Variants in TENM2 observed in about 807,000 individuals in gnomAD.
The protein encoded by TENM2 is teneurin-2.
A neutral mutation model predicts 245.2 loss-of-function variants in TENM2; 52 were observed. The ratio of observed to expected loss-of-function variants is 0.21; its 90% CI spans 0.17 to 0.27. TENM2 has a LOEUF of 0.27. Ranked by LOEUF, TENM2 falls within the 10% of genes least tolerant of loss-of-function variation. The pLI, the probability that TENM2 is intolerant of heterozygous loss-of-function variation, is 1.00. For missense variants in TENM2, 3,046 were observed against 3,666.8 expected, an observed-to-expected ratio of 0.83 and a Z score of 4.37; for synonymous variants, 1,363 against 1,438.9, an observed-to-expected ratio of 0.95 and a Z score of 1.19.
chr5:167,084,326 G>GTT, the TENM2 span, among the ~76,000 whole-genome samples: 18 of 6,744 alleles, frequency 2.7e-3, no homozygotes, highest in Non-Finnish European at 6.2e-3. Context: ...AGCCATTTTA[G>GTT]TTATATATAT....
intron 2 of TENM2, among the ~76,000 whole-genome samples, chr5:167,689,817 A>C (rs1757305250): frequency 6.6e-6 from 1 of 151,902 alleles, no homozygotes; most frequent in Non-Finnish European, 1.5e-5. Context: ...GCTGGAGTGC[A>C]ATGGAGCAAT....
At chr5:167,683,827 C>T (rs1756899641) in intron 2 of TENM2, among the ~76,000 whole-genome samples, 2 of 152,182 alleles carry the variant, frequency 1.3e-5, no homozygotes, top group Admixed American at 1.3e-4. Flanking sequence ...GCTTCACTCT[C>T]CAACACATTG....
intron 2 of TENM2, among the ~76,000 whole-genome samples, chr5:167,376,624 A>T (rs1342151132): frequency 1.3e-5 from 2 of 152,182 alleles, no homozygotes; most frequent in African/African-American, 2.4e-5. Context: ...TAATTTTGAA[A>T]TAATTTATTC....
intron 2 of TENM2, among the ~76,000 whole-genome samples, chr5:167,542,996 C>T (rs1488936207): frequency 6.6e-6 from 1 of 152,162 alleles, no homozygotes; most frequent in African/African-American, 2.4e-5. Context: ...AACGTGTAAT[C>T]ACTTGACCAG....
At chr5:167,861,998 C>G (rs1771858991) in intron 2 of TENM2, among the ~76,000 whole-genome samples, 1 of 152,180 alleles carries the variant, frequency 6.6e-6, no homozygotes, top group Non-Finnish European at 1.5e-5. Context: ...AAACATGCCT[C>G]TTATGTTATC....
chr5:167,027,489 A>G, the TENM2 span, among the ~76,000 whole-genome samples: 2 of 152,234 alleles, frequency 1.3e-5, no homozygotes, highest in Non-Finnish European at 2.9e-5. Context: ...TCATAAGGAT[A>G]ATACTGCTAA....
intron 2 of TENM2, among the ~76,000 whole-genome samples, chr5:167,670,092 G>C (rs571194352): frequency 5.5e-4 from 84 of 152,230 alleles, no homozygotes; most frequent in African/African-American, 1.9e-3. Context: ...ATTTAAATTA[G>C]TCTTTCCTCT....
chr5:167,086,678 A>G, the TENM2 span, among the ~76,000 whole-genome samples: 1 of 152,086 alleles, frequency 6.6e-6, no homozygotes, highest in African/African-American at 2.4e-5. Flanking sequence ...GAAGACAATC[A>G]CAGCCTTGTA....
At chr5:167,808,888 A>G (rs944496621) in intron 2 of TENM2, among the ~76,000 whole-genome samples, 5 of 152,214 alleles carry the variant, frequency 3.3e-5, no homozygotes, top group Admixed American at 2.0e-4. Context: ...GTCTATGACA[A>G]TATTTCGTCA....
At chr5:168,020,841 G>T (rs560257236) in intron 5 of TENM2, among the ~76,000 whole-genome samples, 1 of 152,130 alleles carries the variant, frequency 6.6e-6, no homozygotes, top group East Asian at 1.9e-4. Context: ...AGTTAGAGCC[G>T]TTACAAGACA....
At chr5:168,000,362 G>C (rs1173496946) in intron 5 of TENM2, among the ~76,000 whole-genome samples, 8 of 152,188 alleles carry the variant, frequency 5.3e-5, no homozygotes, top group African/African-American at 1.7e-4. Context: ...TTGGTAGTTA[G>C]ACAAGAAGCA....
chr5:167,775,532 T>A (rs903854813), intron 2 of TENM2, among the ~76,000 whole-genome samples: 1 of 152,224 alleles, frequency 6.6e-6, no homozygotes. Context: ...AAACACCAGT[T>A]ATAATTTTTA....
the TENM2 span, among the ~76,000 whole-genome samples, chr5:167,072,187 T>C: frequency 6.6e-6 from 1 of 152,140 alleles, no homozygotes; most frequent in East Asian, 1.9e-4. Context: ...TGTGTTGACA[T>C]GTGGAGGAAT....
intron 2 of TENM2, among the ~76,000 whole-genome samples, chr5:167,873,771 G>A (rs1371440314): frequency 6.6e-6 from 1 of 152,086 alleles, no homozygotes; most frequent in Non-Finnish European, 1.5e-5. Context: ...CGTGTTCAGT[G>A]TACCTTTTCC....
the TENM2 span, among the ~76,000 whole-genome samples, chr5:167,180,307 C>T: frequency 1.9e-4 from 29 of 152,074 alleles, no homozygotes; most frequent in African/African-American, 7.0e-4. Flanking sequence ...CAGGGTTTCT[C>T]CACGTTGGTC....
intron 6 of TENM2, among the ~76,000 whole-genome samples, chr5:168,054,914 C>T (rs1789411579): frequency 6.6e-6 from 1 of 152,192 alleles, no homozygotes; most frequent in African/African-American, 2.4e-5. Context: ...ACAATTGTAT[C>T]TTAAGCACGT....
chr5:167,570,624 T>G (rs939079236), intron 2 of TENM2, among the ~76,000 whole-genome samples: 4 of 152,122 alleles, frequency 2.6e-5, no homozygotes, highest in African/African-American at 9.7e-5. Context: ...TCTGGTGCAG[T>G]CCTTGCCAGA....
chr5:167,974,526 A>G (rs1344673495), intron 4 of TENM2, among the ~76,000 whole-genome samples: 1 of 152,218 alleles, frequency 6.6e-6, no homozygotes, highest in Non-Finnish European at 1.5e-5. Flanking sequence ...ATTGATAATT[A>G]TCTGCATAAC....
intron 3 of TENM2, among the ~76,000 whole-genome samples, chr5:167,916,896 T>C (rs964929219): frequency 6.6e-6 from 1 of 152,114 alleles, no homozygotes; most frequent in Non-Finnish European, 1.5e-5. Context: ...ATCTCAGCAT[T>C]GTTGCCCTCA....
Sources: allele counts gnomAD v4.1 joint callset (sites outside exome capture counted in the v4.1 genomes callset), GRCh38; gene constraint gnomAD v4.1.1; transcripts MANE v1.5; gene names NCBI Gene and HGNC (gene_info 2026-07-23, HGNC 2026-07-21).